Variants in LIMCH1 observed in about 807,000 individuals in gnomAD.
LIMCH1 encodes LIM and calponin homology domains 1.
Under a neutral mutation model 176.5 loss-of-function variants are expected in LIMCH1, and 113 were observed. The observed-to-expected ratio is 0.64, with a 90% CI of 0.55 to 0.75. The LOEUF (loss-of-function observed/expected upper bound fraction) is 0.75. Among genes scored for constraint, LIMCH1 ranks in the 30% least tolerant of loss-of-function variants. The pLI, the probability that LIMCH1 is intolerant of heterozygous loss-of-function variation, is 0.00. For missense variants in LIMCH1, 1,674 were observed against 1,814.9 expected (o/e 0.92, Z 1.41); for synonymous variants, 619 against 645.9 (o/e 0.96, Z 0.63).
chr4:41,614,743 C>T (rs1452371137), intron 5 of LIMCH1, among the ~76,000 whole-genome samples: 1 of 152,188 alleles, frequency 6.6e-6, no homozygotes, highest in Non-Finnish European at 1.5e-5. Flanking sequence ...AGCTGTGAGA[C>T]ACTGCTTATC....
chr4:41,686,410 G>A (rs1720816682), intron 28 of LIMCH1, among the ~76,000 whole-genome samples: 1 of 152,082 alleles, frequency 6.6e-6, no homozygotes, highest in Non-Finnish European at 1.5e-5. Context: ...ATAAAATTGA[G>A]GCTCAGGGAA....
intron 1 of LIMCH1, among the ~76,000 whole-genome samples, chr4:41,586,455 A>T (rs1006666341): frequency 1.3e-5 from 2 of 152,128 alleles, no homozygotes; most frequent in African/African-American, 4.8e-5. Context: ...ATGGACCAGT[A>T]CCAAACCCAT....
intron 5 of LIMCH1, among the ~76,000 whole-genome samples, chr4:41,615,214 G>A (rs1416344653): frequency 1.3e-5 from 2 of 152,002 alleles, no homozygotes; most frequent in African/African-American, 4.8e-5. Flanking sequence ...ATATTATTTT[G>A]ATTAGTTGTT....
chr4:41,417,196 A>G (rs1156341845), intron 1 of LIMCH1, among the ~76,000 whole-genome samples: 1 of 152,046 alleles, frequency 6.6e-6, no homozygotes, highest in African/African-American at 2.4e-5. Flanking sequence ...TGATATGGGA[A>G]CACATTGGTC....
rs1157542568 is a variant in LIMCH1, at chr4:41,467,158, T to TATATATACACACAC, written c.97-27377_97-27376insTATATACACACACA. ...CCATATATATATGTGTATGTATATA[T>TATATATACACACAC]ACACACACACACACACACACACACA... On this transcript the variant is annotated intron_variant, in intron 1 of 26. Transcript: ENST00000313860. Among the ~76,000 whole-genome samples the TATATATACACACAC allele has an allele frequency of 3.6e-4, 52 of 143,550 alleles. 1 individual carries two copies. The highest frequency in any genetic ancestry group is 1.3e-3 in the African/African-American group (51 of 39,174). 94.2% of individuals were successfully genotyped at this position (143,550 alleles called of 152,430 possible).
intron 1 of LIMCH1, among the ~76,000 whole-genome samples, chr4:41,454,631 A>G (rs559968638): frequency 1.3e-5 from 2 of 152,280 alleles, no homozygotes; most frequent in East Asian, 3.9e-4. Flanking sequence ...TCCCCTGAGT[A>G]TGTGTCAAAG....
At chr4:41,428,036 G>A (rs1302141434) in intron 1 of LIMCH1, among the ~76,000 whole-genome samples, 2 of 152,058 alleles carry the variant, frequency 1.3e-5, no homozygotes, top group African/African-American at 4.8e-5. Context: ...GTGTGCTGGA[G>A]AATAATAAGC....
intron 1 of LIMCH1, among the ~76,000 whole-genome samples, chr4:41,545,029 G>A (rs115356535): frequency 0.011 from 1,741 of 152,288 alleles, 19 homozygotes; most frequent in Non-Finnish European, 0.018. Context: ...AATGCCTACA[G>A]GGACTTCAGT....
chr4:41,519,695 C>T (rs780779467), intron 2 of LIMCH1, among the ~76,000 whole-genome samples: 1 of 152,166 alleles, frequency 6.6e-6, no homozygotes, highest in African/African-American at 2.4e-5. Flanking sequence ...AAATAGCTTG[C>T]AGTTACCTAG....
chr4:41,566,679 C>T (rs552596204), intron 1 of LIMCH1, among the ~76,000 whole-genome samples: 1 of 152,062 alleles, frequency 6.6e-6, no homozygotes, highest in Non-Finnish European at 1.5e-5. Context: ...TCATTCTACA[C>T]AAAATCATTA....
chr4:41,631,966 A>G (rs901346531), intron 10 of LIMCH1, among the ~76,000 whole-genome samples: 1 of 152,192 alleles, frequency 6.6e-6, no homozygotes, highest in Non-Finnish European at 1.5e-5. Flanking sequence ...TTTTAAAATT[A>G]TATAATAAAT....
intron 2 of LIMCH1, among the ~76,000 whole-genome samples, chr4:41,496,867 T>C (rs1207551533): frequency 6.6e-6 from 1 of 152,160 alleles, no homozygotes; most frequent in East Asian, 1.9e-4. Flanking sequence ...CAAACACCTG[T>C]CTTTGGAGAT....
At chr4:41,601,770 G>A (rs769101244) in intron 2 of LIMCH1, among the ~76,000 whole-genome samples, 9 of 152,270 alleles carry the variant, frequency 5.9e-5, no homozygotes, top group African/African-American at 1.4e-4. Context: ...ATCGGATTTC[G>A]TGTATTTTTG....
At chr4:41,636,796 A>T (rs2093611700) in intron 13 of LIMCH1, among the ~76,000 whole-genome samples, 1 of 152,218 alleles carries the variant, frequency 6.6e-6, no homozygotes, top group African/African-American at 2.4e-5. Flanking sequence ...AACATAGTTG[A>T]AACTCACAAA....
chr4:41,531,277 C>T (rs2077254834), intron 3 of LIMCH1, among the ~76,000 whole-genome samples: 2 of 151,924 alleles, frequency 1.3e-5, no homozygotes, highest in South Asian at 4.2e-4. Flanking sequence ...TTGAAAAAGG[C>T]ACTGCTACAT....
chr4:41,588,810 C>T (rs749255028), intron 1 of LIMCH1, among the ~76,000 whole-genome samples: 5 of 152,126 alleles, frequency 3.3e-5, no homozygotes, highest in East Asian at 1.9e-4. Context: ...CTTCGTGGAA[C>T]GGAAATAGCT....
At chr4:41,415,031 CT>C in intron 1 of LIMCH1, among the ~76,000 whole-genome samples, 1 of 152,208 alleles carries the variant, frequency 6.6e-6, no homozygotes, top group African/African-American at 2.4e-5. Flanking sequence ...AATATAATAC[CT>C]GTTTCATAGA....
intron 1 of LIMCH1, among the ~76,000 whole-genome samples, chr4:41,461,012 A>G (rs894606596): frequency 6.6e-6 from 1 of 152,178 alleles, no homozygotes; most frequent in African/African-American, 2.4e-5. Context: ...AACACTCAAG[A>G]TGCAATAATC....
chr4:41,620,667 G>A lies in LIMCH1; in HGVS notation c.702G>A (p.Met234Ile). Residue 234 changes from methionine to isoleucine, a missense_variant, in exon 7 of 32, where the codon ATG (methionine) becomes ATA (isoleucine). Physicochemically the swap from Met to Ile is conservative, Grantham distance 10. Around this residue, in one of 3 missense-constraint regions of LIMCH1, gnomAD observed 655 missense variants for 692.2 expected, o/e 0.95. Coordinates refer to ENST00000503057, the MANE Select transcript of LIMCH1 (RefSeq NM_001330672.2). ...TAGAGCAAGCTGGAATCAAGGTCATGCCAGCAGCACAGCGCTTTGCCAGGT... is the reference window on the plus strand; with the variant it reads ...TAGAGCAAGCTGGAATCAAGGTCATACCAGCAGCACAGCGCTTTGCCAGGT... ...KRLEQAGIKV[M>I]PAAQRFASQK... The A allele has an allele frequency of 6.5e-7, 1 of 1,535,852 alleles. No homozygotes were observed. The highest frequency in any genetic ancestry group is 1.2e-5 in the South Asian group (1 of 84,010).
Sources: gnomAD v4.1 joint callset for allele counts (sites outside exome capture counted in the v4.1 genomes callset) on GRCh38, gnomAD v4.1.1 for gene constraint, gnomAD v4.1.1 regional missense constraint, MANE v1.5 for transcripts, NCBI Gene and HGNC (gene_info 2026-07-23, HGNC 2026-07-21) for gene names.